The following JAZF1 variants were observed in gnomAD, a reference collection of about 807,000 sequenced individuals.
JAZF1 encodes juxtaposed with another zinc finger protein 1.
A neutral mutation model predicts 26.4 loss-of-function variants in JAZF1; 8 were observed. That is an observed-to-expected ratio of 0.30 (90% CI 0.18 to 0.55). JAZF1 has a LOEUF of 0.55. Among genes scored for constraint, JAZF1 ranks in the 20% least tolerant of loss-of-function variants. The pLI, the probability that JAZF1 is intolerant of heterozygous loss-of-function variation, is 0.94. For synonymous variants in JAZF1, 126 were observed against 122.3 expected (o/e 1.03, Z -0.20); for missense variants, 199 against 322.0 (o/e 0.62, Z 2.92).
intron 1 of JAZF1, among the ~76,000 whole-genome samples, chr7:28,131,718 T>C (rs966418951): frequency 2.0e-5 from 3 of 152,196 alleles, no homozygotes; most frequent in Non-Finnish European, 4.4e-5. Context: ...ACAATTTGCA[T>C]AGAGTTTTGC....
intron 2 of JAZF1, among the ~76,000 whole-genome samples, chr7:27,917,854 ATTACACAGAAAGATGTG>A (rs1413641765): frequency 2.0e-5 from 3 of 152,190 alleles, no homozygotes; most frequent in Non-Finnish European, 4.4e-5. Context: ...CTGGCTAAAG[ATTACACAGAAAGATGTG>A]GCAGTCACTG....
intron 2 of JAZF1, among the ~76,000 whole-genome samples, chr7:27,932,672 C>T (rs561274821): frequency 1.9e-4 from 29 of 152,080 alleles, no homozygotes; most frequent in Non-Finnish European, 3.7e-4. Context: ...AGAAGTAAAC[C>T]GAGACTGAAG....
intron 2 of JAZF1, among the ~76,000 whole-genome samples, chr7:27,924,266 T>C (rs1450610122): frequency 6.6e-6 from 1 of 152,118 alleles, no homozygotes; most frequent in Admixed American, 6.5e-5. Context: ...TTAGTAGAGA[T>C]GGTGTTTCAC....
At chr7:28,041,777 A>T (rs1033382266) in intron 1 of JAZF1, among the ~76,000 whole-genome samples, 4 of 152,208 alleles carry the variant, frequency 2.6e-5, no homozygotes, top group Non-Finnish European at 5.9e-5. Flanking sequence ...TGAGATACTC[A>T]TCTTGAGTAT....
At chr7:27,985,603 T>G (rs1372273218) in intron 2 of JAZF1, among the ~76,000 whole-genome samples, 1 of 152,242 alleles carries the variant, frequency 6.6e-6, no homozygotes, top group Non-Finnish European at 1.5e-5. Context: ...ATTCATTTTA[T>G]GAGGCCAGCA....
At chr7:28,094,348 C>T (rs910198051) in intron 1 of JAZF1, among the ~76,000 whole-genome samples, 30 of 152,158 alleles carry the variant, frequency 2.0e-4, no homozygotes, top group African/African-American at 7.0e-4. Context: ...GGTCCCACGG[C>T]TGGCAAGGAA....
intron 1 of JAZF1, among the ~76,000 whole-genome samples, chr7:28,059,713 C>G (rs1366029806): frequency 6.6e-6 from 1 of 151,988 alleles, no homozygotes; most frequent in Non-Finnish European, 1.5e-5. Flanking sequence ...TTTATTTATC[C>G]TCATTTTTGA....
At chr7:27,879,687 A>C (rs1377293246) in intron 3 of JAZF1, among the ~76,000 whole-genome samples, 3 of 152,278 alleles carry the variant, frequency 2.0e-5, no homozygotes, top group African/African-American at 7.2e-5. Flanking sequence ...ACCATCCTAC[A>C]TTTAGTATCT....
intron 1 of JAZF1, among the ~76,000 whole-genome samples, chr7:28,121,625 C>T (rs1782607041): frequency 6.6e-6 from 1 of 152,122 alleles, no homozygotes; most frequent in African/African-American, 2.4e-5. Flanking sequence ...TTCCTGGATC[C>T]CCTAATAATG....
chr7:28,002,114 C>A (rs1782604550), intron 1 of JAZF1, among the ~76,000 whole-genome samples: 1 of 152,176 alleles, frequency 6.6e-6, no homozygotes, highest in South Asian at 2.1e-4. Flanking sequence ...ACAACTGAAC[C>A]AAAGCATGTC....
At chr7:27,860,478 T>C (rs1783360166) in intron 3 of JAZF1, among the ~76,000 whole-genome samples, 1 of 152,194 alleles carries the variant, frequency 6.6e-6, no homozygotes. Context: ...TGTTGTGATC[T>C]TTCTCATCTT....
intron 1 of JAZF1, among the ~76,000 whole-genome samples, chr7:27,992,438 A>G (rs1463625865): frequency 1.3e-5 from 2 of 152,218 alleles, no homozygotes. Context: ...CTGCATTTGG[A>G]TTCATATTCT....
chr7:28,069,570 C>A (rs544046757), intron 1 of JAZF1, among the ~76,000 whole-genome samples: 1 of 152,040 alleles, frequency 6.6e-6, no homozygotes, highest in East Asian at 1.9e-4. Flanking sequence ...TGAGAGGTAC[C>A]GAGGGAGAGG....
At chr7:28,078,497 C>G (rs959266127) in intron 1 of JAZF1, among the ~76,000 whole-genome samples, 1 of 152,288 alleles carries the variant, frequency 6.6e-6, no homozygotes, top group East Asian at 1.9e-4. Flanking sequence ...GGCTGCATTG[C>G]TACTCAAAGG....
intron 2 of JAZF1, among the ~76,000 whole-genome samples, chr7:27,946,465 A>G (rs1217279580): frequency 1.3e-5 from 2 of 152,132 alleles, no homozygotes; most frequent in Non-Finnish European, 2.9e-5. Context: ...TTTTAACTGA[A>G]ATTCTCCTGG....
chr7:28,113,132 C>T (rs1004553766), intron 1 of JAZF1, among the ~76,000 whole-genome samples: 7 of 152,188 alleles, frequency 4.6e-5, no homozygotes, highest in Non-Finnish European at 7.3e-5. Context: ...CATCCAGGTT[C>T]GTTCTCAGAG....
intron 2 of JAZF1, among the ~76,000 whole-genome samples, chr7:27,978,019 T>C (rs1785505341): frequency 6.6e-6 from 1 of 152,226 alleles, no homozygotes; most frequent in South Asian, 2.1e-4. Flanking sequence ...AATTTAATTA[T>C]TTAAATATTT....
intron 3 of JAZF1, among the ~76,000 whole-genome samples, chr7:27,853,615 C>A (rs1485696559): frequency 6.6e-6 from 1 of 152,158 alleles, no homozygotes; most frequent in Non-Finnish European, 1.5e-5. Context: ...TTTATTTCTG[C>A]CTTCATTTCA....
intron 1 of JAZF1, among the ~76,000 whole-genome samples, chr7:28,092,290 C>CCAAAAAAAAAAAAAAAAAAAAA (rs1784310777): frequency 7.0e-4 from 9 of 12,804 alleles, no homozygotes; most frequent in African/African-American, 1.9e-3. Flanking sequence ...GGACAAAAGG[C>CCAAAAAAAAAAAAAAAAAAAAA]AAAAAAAAAA....
Sources: allele counts gnomAD v4.1 joint callset (sites outside exome capture counted in the v4.1 genomes callset), GRCh38; gene constraint gnomAD v4.1.1; transcripts MANE v1.5; gene names NCBI Gene and HGNC (gene_info 2026-07-23, HGNC 2026-07-21).